Variants in NADK2 observed in about 807,000 individuals in gnomAD.
The protein encoded by NADK2 is NAD kinase domain-containing protein 1, mitochondrial.
Under a neutral mutation model 62.1 loss-of-function variants are expected in NADK2, and 35 were observed. The observed-to-expected ratio is 0.56, with a 90% confidence interval of 0.43 to 0.75. NADK2 has a LOEUF of 0.75. Ranked by LOEUF, NADK2 falls within the 30% of genes least tolerant of loss-of-function variation. NADK2 has a pLI of 0.00. For missense variants in NADK2, 439 were observed against 561.3 expected (o/e 0.78, Z 2.20); for synonymous variants, 205 against 207.9 (o/e 0.99, Z 0.12).
rs760059528 is a variant in NADK2, at chr5:36,220,392, A to G, written c.561-713T>C. ...GTGTAGATGAGAGTATGTGGCACCT[A>G]AAGATGTCCAGAAGGCTCAGTCATC... is the stretch of plus-strand genomic sequence containing the variant. On this transcript the variant is annotated intron_variant, in intron 4 of 11. Coordinates refer to ENST00000381937, the MANE Select transcript of NADK2 (RefSeq NM_001085411.3). Among the ~76,000 whole-genome samples the G allele has an allele frequency of 9.9e-5, 15 of 151,790 alleles. 2 individuals are homozygous for G. The Middle Eastern group carries it at 0.027, about 275-fold the overall frequency.
chr5:36,234,372 C>CAAAAA (rs10551356), intron 1 of NADK2, among the ~76,000 whole-genome samples: 11 of 77,196 alleles, frequency 1.4e-4, no homozygotes, highest in Admixed American at 2.8e-4. Flanking sequence ...AACTCCGTCT[C>CAAAAA]AAAAAAAAAA....
At chr5:36,217,922 A>G in intron 5 of NADK2, 38 bp from the exon 6 acceptor site, 1 of 1,580,606 alleles carries the variant, frequency 6.3e-7, no homozygotes, top group African/African-American at 1.4e-5. Context: ...ATGTTAAAAT[A>G]GAATAAATTA....
intron 6 of NADK2, among the ~76,000 whole-genome samples, chr5:36,216,685 A>G (rs1472711222): frequency 1.3e-5 from 2 of 152,132 alleles, no homozygotes; most frequent in Non-Finnish European, 2.9e-5. Context: ...TATAAACTAA[A>G]CACAGTGAAT....
At chr5:36,223,830 T>C (rs1291773061) in intron 4 of NADK2, among the ~76,000 whole-genome samples, 1 of 151,540 alleles carries the variant, frequency 6.6e-6, no homozygotes, top group East Asian at 1.9e-4. Flanking sequence ...ACCAAGAGAG[T>C]GACACAGGGT....
At position 36,210,045 on chromosome 5, in the gene NADK2, A is replaced by G. The variant is rs1194785233; in HGVS notation, c.860+1799T>C. 5.9e-5 allele frequency among the ~76,000 whole-genome samples: 9 copies of G among 152,314 alleles called. No homozygotes were observed. The East Asian group carries it at 1.7e-3, about 29-fold the overall frequency. ...CTATAATTAAAGTTCTTATGAAAGG[A>G]TATGACTTCCAGCAAACAAAATTTC... On this transcript the variant is annotated intron_variant, in intron 7 of 11. Coordinates refer to ENST00000381937, the MANE Select transcript of NADK2 (RefSeq NM_001085411.3).
At chr5:36,221,417 A>G (rs1019326250) in intron 4 of NADK2, 2 of 152,340 alleles carry the variant, frequency 1.3e-5, no homozygotes, top group African/African-American at 4.8e-5. Context: ...CCCGTAAGAA[A>G]TAATACACTG....
chr5:36,201,056 G>A (rs780914408), intron 9 of NADK2, 50 bp downstream of exon 9: 1 of 1,515,482 alleles, frequency 6.6e-7, no homozygotes, highest in Non-Finnish European at 9.2e-7. Context: ...TCTGGAACTT[G>A]TCCCCTGCGG....
chr5:36,231,189 C>A (rs775018786), intron 1 of NADK2, among the ~76,000 whole-genome samples: 1 of 152,116 alleles, frequency 6.6e-6, no homozygotes, highest in Admixed American at 6.5e-5. Flanking sequence ...AGATACATGG[C>A]GTTGACTGTT....
At chr5:36,204,821 GTAGA>G (rs571732915) in intron 8 of NADK2, among the ~76,000 whole-genome samples, 6 of 151,952 alleles carry the variant, frequency 3.9e-5, no homozygotes, top group Non-Finnish European at 7.4e-5. Flanking sequence ...TAGGACAAAA[GTAGA>G]TAGGGGTACA....
intron 10 of NADK2, among the ~76,000 whole-genome samples, chr5:36,197,990 CAAAA>C (rs34187355): frequency 1.3e-5 from 2 of 152,002 alleles, no homozygotes; most frequent in Non-Finnish European, 2.9e-5. Flanking sequence ...TAGATGCACT[CAAAA>C]AAGGAACTTG....
intron 9 of NADK2, 65 bp downstream of exon 9, chr5:36,201,041 G>T: frequency 7.3e-7 from 1 of 1,364,534 alleles, no homozygotes; most frequent in Non-Finnish European, 1.0e-6. Context: ...GCATTCACTG[G>T]GGGTTCTGGA....
chr5:36,201,410 T>C (rs1746442356), intron 8 of NADK2, among the ~76,000 whole-genome samples: 1 of 151,984 alleles, frequency 6.6e-6, no homozygotes, highest in Non-Finnish European at 1.5e-5. Flanking sequence ...AATGAACATA[T>C]TCTTCAATCT....
intron 1 of NADK2, among the ~76,000 whole-genome samples, chr5:36,238,715 G>A (rs1747998124): frequency 6.6e-6 from 1 of 152,114 alleles, no homozygotes; most frequent in African/African-American, 2.4e-5. Flanking sequence ...GCCTTTGAAA[G>A]GTCATGAGAC....
At chr5:36,236,331 G>A (rs1747907314) in intron 1 of NADK2, among the ~76,000 whole-genome samples, 1 of 152,150 alleles carries the variant, frequency 6.6e-6, no homozygotes, top group Non-Finnish European at 1.5e-5. Flanking sequence ...TTATAGAAAG[G>A]GAGTATACCT....
At chr5:36,210,398 C>T (rs1307304933) in intron 7 of NADK2, among the ~76,000 whole-genome samples, 1 of 152,160 alleles carries the variant, frequency 6.6e-6, no homozygotes, top group Non-Finnish European at 1.5e-5. Context: ...TTTTACACTC[C>T]TAATGAGGAA....
chr5:36,236,837 T>A (rs1036214920), intron 1 of NADK2, among the ~76,000 whole-genome samples: 2 of 133,748 alleles, frequency 1.5e-5, no homozygotes, highest in Non-Finnish European at 3.1e-5. Context: ...AAGGATGGCA[T>A]CCTGAGAGAG....
intron 4 of NADK2, among the ~76,000 whole-genome samples, chr5:36,223,223 C>T (rs1359492437): frequency 4.0e-5 from 6 of 150,308 alleles, no homozygotes; most frequent in East Asian, 1.9e-4. Flanking sequence ...TGGGGAGCCA[C>T]GACAAAAAAA....
chr5:36,217,908 A>C, intron 5 of NADK2, 24 bp from the exon 6 acceptor site: 1 of 1,604,622 alleles, frequency 6.2e-7, no homozygotes, highest in East Asian at 2.2e-5. Context: ...AGAAAAGGCA[A>C]ATTATGTTAA....
At chr5:36,209,104 G>A (rs1746747232) in intron 7 of NADK2, among the ~76,000 whole-genome samples, 1 of 152,060 alleles carries the variant, frequency 6.6e-6, no homozygotes, top group Non-Finnish European at 1.5e-5. Flanking sequence ...CTTTAAAAGT[G>A]AGTTCTAATA....
Sources: allele counts gnomAD v4.1 joint callset (sites outside exome capture counted in the v4.1 genomes callset), GRCh38; gene constraint gnomAD v4.1.1; transcripts MANE v1.5; gene names NCBI Gene and HGNC (gene_info 2026-07-23, HGNC 2026-07-21).